The following USH2A variants were observed in gnomAD, a reference collection of about 807,000 sequenced individuals.
USH2A encodes usherin, also known as Usher syndrome 2A (autosomal recessive, mild).
Under a neutral mutation model 538.9 loss-of-function variants are expected in USH2A, and 443 were observed. That is an observed-to-expected ratio of 0.82 (90% CI 0.76 to 0.89). The LOEUF (loss-of-function observed/expected upper bound fraction) is 0.89. Among genes scored for constraint, USH2A ranks in the 40% least tolerant of loss-of-function variants. USH2A has a pLI of 0.00. For missense variants in USH2A, 6,633 were observed against 6,324.8 expected (o/e 1.05, Z -1.65); for synonymous variants, 2,413 against 2,273.5 (o/e 1.06, Z -1.75).
intron 21 of USH2A, chr1:216,174,174 A>C (rs1291495647): frequency 3.0e-6 from 3 of 984,732 alleles, no homozygotes; most frequent in Non-Finnish European, 3.6e-6. Context: ...AAAACAATAC[A>C]AATTTTTATA....
At chr1:215,938,794 G>T (rs893077377) in intron 37 of USH2A, among the ~76,000 whole-genome samples, 1 of 151,992 alleles carries the variant, frequency 6.6e-6, no homozygotes, top group Non-Finnish European at 1.5e-5. Flanking sequence ...TTTAACTGGG[G>T]GTCTCACTTA....
At chr1:215,775,926 AT>A (rs1426657771) in intron 55 of USH2A, among the ~76,000 whole-genome samples, 1 of 152,174 alleles carries the variant, frequency 6.6e-6, no homozygotes, top group East Asian at 1.9e-4. Flanking sequence ...ATGATGAGTA[AT>A]TTCTAATTAA....
rs184684535 is a variant in USH2A, at chr1:216,371,926, C to T, written c.652-6841G>A. Among the ~76,000 whole-genome samples, 848 of 152,250 alleles carry T rather than the reference C, an allele frequency of 5.6e-3. 10 individuals carry two copies. The highest frequency in any genetic ancestry group is 0.021 in the Admixed American group (325 of 15,290). ...TCTTCACATAACTTTTCAGAGTGGC[C>T]TTGTTTACTGACATGAATTTTTATA... On this transcript the variant is annotated intron_variant, in intron 3 of 71. Coordinates refer to ENST00000307340, the MANE Select transcript of USH2A (RefSeq NM_206933.4).
intron 26 of USH2A, 46 bp downstream of exon 26, chr1:216,083,410 T>G: frequency 5.7e-6 from 9 of 1,587,200 alleles, no homozygotes; most frequent in Non-Finnish European, 7.7e-6. Context: ...ATTTTAAAGT[T>G]GGGTCCTATA....
In USH2A at chr1:215,734,783, T is replaced by C. The variant is rs139423938; in HGVS notation, c.11712-6399A>G. On this transcript the variant is annotated intron_variant, in intron 60 of 71. Transcript: ENST00000307340. ...GTTCTTTGCTAGGGCATAACAAGGGTGACCTTTACTCTAGTTCTCAATTAT... is the reference window on the plus strand; with the variant it reads ...GTTCTTTGCTAGGGCATAACAAGGGCGACCTTTACTCTAGTTCTCAATTAT... Among the ~76,000 whole-genome samples, 166 of 152,334 alleles carry C rather than the reference T, an allele frequency of 1.1e-3. 1 individual carries two copies. The highest frequency in any genetic ancestry group is 1.7e-3 in the Non-Finnish European group (115 of 68,034).
chr1:216,350,545 C>T (rs1242762508), intron 4 of USH2A, among the ~76,000 whole-genome samples: 3 of 152,054 alleles, frequency 2.0e-5, no homozygotes, highest in African/African-American at 7.2e-5. Context: ...AGGCTACAGC[C>T]CCCATGCAAG....
intron 48 of USH2A, among the ~76,000 whole-genome samples, chr1:215,815,189 T>C (rs1289026754): frequency 6.6e-6 from 1 of 152,008 alleles, no homozygotes; most frequent in East Asian, 1.9e-4. Flanking sequence ...CTCTTTAAGC[T>C]CAACAATAAA....
intron 37 of USH2A, among the ~76,000 whole-genome samples, chr1:215,940,394 C>A (rs1473541119): frequency 6.6e-6 from 1 of 151,980 alleles, no homozygotes; most frequent in Non-Finnish European, 1.5e-5. Context: ...TCTCTATATA[C>A]CCTGTATTAA....
At chr1:215,874,705 A>G (rs1366888622) in intron 43 of USH2A, among the ~76,000 whole-genome samples, 1 of 152,218 alleles carries the variant, frequency 6.6e-6, no homozygotes, top group East Asian at 1.9e-4. Context: ...AGTGCCATTT[A>G]AAAGCTGATT....
chr1:216,349,249 A>G (rs1462681313), intron 4 of USH2A, among the ~76,000 whole-genome samples: 2 of 152,060 alleles, frequency 1.3e-5, no homozygotes, highest in Non-Finnish European at 2.9e-5. Context: ...CATCACCCCT[A>G]TTCAGCTTGA....
chr1:216,028,296 G>T (rs1338939396), intron 32 of USH2A, among the ~76,000 whole-genome samples: 2 of 152,066 alleles, frequency 1.3e-5, no homozygotes, highest in Non-Finnish European at 2.9e-5. Context: ...ACTAAGGCAG[G>T]AGAATGGCTT....
rs1453273341 is a variant in USH2A at position 215,674,489 on chromosome 1, G to A, written c.13422C>T (p.Ile4474=). The part of the protein sequence containing the change: ...WKPPRNPNGQ[I]RSYELRRDGT... ...CATCCCTCCTAAGTTCATAACTTCTGATCTGGCCATTTGGGTTTCTTGGAG... is the reference window on the plus strand; with the variant it reads ...CATCCCTCCTAAGTTCATAACTTCTAATCTGGCCATTTGGGTTTCTTGGAG... Residue 4474 remains isoleucine, a synonymous_variant, in exon 63 of 72, where the codon ATC becomes ATT. Transcript: ENST00000307340. The A allele has an allele frequency of 6.2e-7, 1 of 1,614,140 alleles. No homozygotes were observed. Among genetic ancestry groups the A allele is most frequent in the Non-Finnish European group, 8.5e-7 (1 of 1,180,032 alleles).
In USH2A at chr1:215,813,861, C is replaced by T. The variant is rs200726531; in HGVS notation, c.9614G>A (p.Arg3205His). 136 of 1,613,800 alleles carry T rather than the reference C, an allele frequency of 8.4e-5. No individual in the cohort carries two copies. Among genetic ancestry groups the T allele is most frequent in the South Asian group, 1.8e-4 (16 of 91,076 alleles). The change falls in exon 49 of 72, where the codon CGC (arginine) becomes CAC (histidine). Residue 3205 changes from arginine (R) to histidine (H), a missense_variant. By Grantham distance (29) the Arg-to-His change is conservative (BLOSUM62 0). Coordinates refer to ENST00000307340, the MANE Select transcript of USH2A (RefSeq NM_206933.4). The part of the protein sequence containing the change: ...GVLYNPKPGH[R>H]CCEEKYIPFV... ...CGGGATATACTTTTCTTCACAACAG[C>T]GATGTCCAGGCTTGGGGTTATAGAG...
chr1:215,688,736 A>C (rs1658510472), intron 61 of USH2A, among the ~76,000 whole-genome samples: 1 of 152,084 alleles, frequency 6.6e-6, no homozygotes, highest in Non-Finnish European at 1.5e-5. Context: ...TTAATCCTAT[A>C]GGATGAAGGT....
At chr1:215,704,714 G>T (rs575491382) in intron 61 of USH2A, among the ~76,000 whole-genome samples, 1 of 152,258 alleles carries the variant, frequency 6.6e-6, no homozygotes, top group East Asian at 1.9e-4. Context: ...TTTTGTTCAT[G>T]ATTTCCTCTT....
At chr1:215,894,118 A>G (rs1284477047) in intron 40 of USH2A, among the ~76,000 whole-genome samples, 2 of 152,310 alleles carry the variant, frequency 1.3e-5, no homozygotes, top group Non-Finnish European at 2.9e-5. Context: ...GTCAGCAATC[A>G]GAGGTTAGTA....
At chr1:216,183,338 A>G (rs937546799) in intron 20 of USH2A, among the ~76,000 whole-genome samples, 3 of 151,676 alleles carry the variant, frequency 2.0e-5, no homozygotes, top group Non-Finnish European at 4.4e-5. Flanking sequence ...AGTAGCCCCT[A>G]TTTATTTTGA....
intron 13 of USH2A, among the ~76,000 whole-genome samples, chr1:216,232,541 A>G (rs1385777784): frequency 6.6e-6 from 1 of 152,256 alleles, no homozygotes; most frequent in Non-Finnish European, 1.5e-5. Flanking sequence ...TCTAACAAAT[A>G]ATGAAATTTT....
rs397517963 is a variant in USH2A at position 216,325,448 on chromosome 1, G to C, written c.1000C>G (p.Arg334Gly). The change falls in exon 6 of 72, where the codon CGG (arginine) becomes GGG (glycine). Residue 334 changes from arginine (R) to glycine (G), a missense_variant. Coordinates refer to ENST00000307340, the MANE Select transcript of USH2A (RefSeq NM_206933.4). ...AGDTADNRVSRLNPEAHPLSF... is the reference protein window; with the variant it reads ...AGDTADNRVSGLNPEAHPLSF... ...AGAGGATGGGCTTCAGGATTCAACC[G>C]TGACACTCTATTATCAGCTGTGTCT... is the stretch of plus-strand genomic sequence containing the variant. 1.9e-6 allele frequency: 3 copies of C among 1,613,768 alleles called. No homozygotes were observed. The highest frequency in any genetic ancestry group is 1.3e-5 in the African/African-American group (1 of 74,888).
Sources: gnomAD v4.1 joint callset for allele counts (sites outside exome capture counted in the v4.1 genomes callset) on GRCh38, gnomAD v4.1.1 for gene constraint, MANE v1.5 for transcripts, NCBI Gene and HGNC (gene_info 2026-07-23, HGNC 2026-07-21) for gene names.